IL1R1: variants seen among roughly 807,000 people sequenced by gnomAD.
IL1R1 encodes the protein interleukin 1 receptor type 1, also known as interleukin-1 receptor type 1.
In IL1R1, 22 loss-of-function variants were observed where a neutral mutation model predicts 50.2. The observed-to-expected ratio is 0.44, with a 90% confidence interval of 0.31 to 0.63. The LOEUF is 0.63. Among genes scored for constraint, IL1R1 ranks in the 20% least tolerant of loss-of-function variants. The pLI, the probability that IL1R1 is intolerant of heterozygous loss-of-function variation, is 0.07. For synonymous variants in IL1R1, 251 were observed against 236.7 expected (o/e 1.06, Z -0.55); for missense variants, 509 against 676.2 (o/e 0.75, Z 2.74).
intron 1 of IL1R1, among the ~76,000 whole-genome samples, chr2:102,078,270 T>A (rs1679059638): frequency 6.6e-6 from 1 of 151,912 alleles, no homozygotes; most frequent in Non-Finnish European, 1.5e-5. Flanking sequence ...ACAAACCAAA[T>A]GTAGGTTATC....
upstream of IL1R1, among the ~76,000 whole-genome samples, chr2:102,103,448 GT>G (rs1680238194): frequency 2.0e-5 from 3 of 152,182 alleles, no homozygotes; most frequent in Admixed American, 2.0e-4. Context: ...TGAAGCAGAG[GT>G]TTGAGCAGTG....
At chr2:102,151,478 G>A (rs1577971175) in intron 1 of IL1R1, among the ~76,000 whole-genome samples, 1 of 152,088 alleles carries the variant, frequency 6.6e-6, no homozygotes, top group South Asian at 2.1e-4. Flanking sequence ...TCTTCCACAA[G>A]TATTTATTGA....
chr2:102,175,067 G>A (rs1277519446), intron 10 of IL1R1, among the ~76,000 whole-genome samples: 1 of 150,338 alleles, frequency 6.7e-6, no homozygotes, highest in Admixed American at 6.6e-5. Context: ...GAAATGAAAT[G>A]ACTAGATCTT....
chr2:102,073,650 G>C lies in IL1R1; in HGVS notation c.-84+3117G>C, dbSNP rs538055612. Among the ~76,000 whole-genome samples, 3 of 152,190 alleles carry C rather than the reference G, an allele frequency of 2.0e-5. No individual in the cohort carries two copies. The South Asian group carries it at 6.2e-4, about 31-fold the overall frequency. On this transcript the variant is annotated intron_variant, in intron 1 of 11. Coordinates refer to the IL1R1 transcript ENST00000409929. ...ATTGCTTAAACCTCTGAGTACCTGA[G>C]AGATACTCAGGGCTCTTTCTTGGAT...
chr2:102,071,650 A>G (rs981805130), intron 1 of IL1R1, among the ~76,000 whole-genome samples: 4 of 152,184 alleles, frequency 2.6e-5, no homozygotes, highest in Non-Finnish European at 4.4e-5. Flanking sequence ...AATATTTGGC[A>G]TTTCCCTGTA....
chr2:102,159,871 G>A (rs1210237733), intron 3 of IL1R1, among the ~76,000 whole-genome samples: 1 of 152,186 alleles, frequency 6.6e-6, no homozygotes, highest in African/African-American at 2.4e-5. Context: ...AGAGTAGGAT[G>A]GAAGTCATTT....
upstream of IL1R1, among the ~76,000 whole-genome samples, chr2:102,139,294 T>C (rs1682510195): frequency 6.6e-6 from 1 of 152,202 alleles, no homozygotes; most frequent in Non-Finnish European, 1.5e-5. Context: ...TTGAACACTC[T>C]GGGATGCACT....
intron 1 of IL1R1, among the ~76,000 whole-genome samples, chr2:102,105,064 C>T (rs1680328273): frequency 6.6e-6 from 1 of 152,118 alleles, no homozygotes; most frequent in Admixed American, 6.5e-5. Flanking sequence ...GCATGTTTCA[C>T]TTTAAGATGT....
At chr2:102,101,404 C>G (rs1680134711), upstream of IL1R1, among the ~76,000 whole-genome samples, 1 of 152,180 alleles carries the variant, frequency 6.6e-6, no homozygotes. Context: ...CTTAGGAAAG[C>G]AGAAGTCTCC....
upstream of IL1R1, among the ~76,000 whole-genome samples, chr2:102,140,660 G>A (rs1456709247): frequency 6.6e-6 from 1 of 152,220 alleles, no homozygotes; most frequent in Non-Finnish European, 1.5e-5. Context: ...ATACAGGGAT[G>A]ACAGTCTCCA....
chr2:102,140,160 G>A (rs2104435699), upstream of IL1R1, among the ~76,000 whole-genome samples: 1 of 152,274 alleles, frequency 6.6e-6, no homozygotes, highest in African/African-American at 2.4e-5. Context: ...CAATACTTTG[G>A]CTTTGGAGGT....
chr2:102,115,553 T>A (rs1681023378), intron 1 of IL1R1, among the ~76,000 whole-genome samples: 1 of 152,102 alleles, frequency 6.6e-6, no homozygotes, highest in African/African-American at 2.4e-5. Flanking sequence ...CAATGCAAAG[T>A]AGGGGCTGCA....
intron 1 of IL1R1, among the ~76,000 whole-genome samples, chr2:102,128,794 G>A (rs1264940551): frequency 2.6e-5 from 4 of 152,190 alleles, no homozygotes; most frequent in African/African-American, 9.7e-5. Flanking sequence ...GCAATGTGAA[G>A]GGGGAAAACG....
intron 1 of IL1R1, among the ~76,000 whole-genome samples, chr2:102,114,660 T>A (rs1680966445): frequency 6.6e-6 from 1 of 152,248 alleles, no homozygotes; most frequent in East Asian, 1.9e-4. Flanking sequence ...ATCTTTATCA[T>A]CAACCTCAAA....
chr2:102,112,544 TC>T (rs1680830438), intron 1 of IL1R1, among the ~76,000 whole-genome samples: 1 of 152,092 alleles, frequency 6.6e-6, no homozygotes. Context: ...GAGAAGGGAC[TC>T]CTGGTGAATT....
upstream of IL1R1, among the ~76,000 whole-genome samples, chr2:102,102,007 T>C (rs751480888): frequency 1.0e-3 from 153 of 152,326 alleles, 1 homozygote; most frequent in Admixed American, 1.8e-3. Flanking sequence ...GGCGTGTGTG[T>C]TCACACAGGT....
intron 1 of IL1R1, among the ~76,000 whole-genome samples, chr2:102,090,114 A>AT (rs1376379028): frequency 6.6e-6 from 1 of 150,946 alleles, no homozygotes; most frequent in African/African-American, 2.4e-5. Flanking sequence ...GATTACAGGC[A>AT]TGAGCCACTG....
At chr2:102,107,772 TC>T (rs1286329448) in intron 1 of IL1R1, among the ~76,000 whole-genome samples, 50 of 152,330 alleles carry the variant, frequency 3.3e-4, no homozygotes, top group Non-Finnish European at 5.7e-4. Flanking sequence ...CAGCCTCTCG[TC>T]TTTTTTGGTT....
chr2:102,167,749 G>C (rs1351751597), intron 6 of IL1R1, among the ~76,000 whole-genome samples: 2 of 151,956 alleles, frequency 1.3e-5, no homozygotes, highest in Non-Finnish European at 2.9e-5. Context: ...CGCCCGGCCA[G>C]GTTAAGTGTG....
Sources: gnomAD v4.1 joint callset for allele counts (sites outside exome capture counted in the v4.1 genomes callset) on GRCh38, gnomAD v4.1.1 for gene constraint, MANE v1.5 for transcripts, NCBI Gene and HGNC (gene_info 2026-07-23, HGNC 2026-07-21) for gene names.